Variants in CNNM2 observed in about 807,000 individuals in gnomAD.
CNNM2 encodes metal transporter CNNM2.
CNNM2 carries 12 observed loss-of-function variants against 66.9 expected under a neutral mutation model. That is an observed-to-expected ratio of 0.18 (90% CI 0.11 to 0.29). The LOEUF is 0.29. CNNM2 is among the 10% of genes least tolerant of loss of function. The probability of loss-of-function intolerance (pLI) is 1.00; values close to 1 mark genes in which losing one functional copy is unlikely to be tolerated. For synonymous variants in CNNM2, 557 were observed against 501.8 expected (o/e 1.11, Z -1.47); for missense variants, 705 against 1,167.7 (o/e 0.60, Z 5.77).
At chr10:102,990,973 T>G (rs2063888082) in intron 1 of CNNM2, among the ~76,000 whole-genome samples, 1 of 152,178 alleles carries the variant, frequency 6.6e-6, no homozygotes, top group African/African-American at 2.4e-5. Context: ...TCTTACATTT[T>G]CCATTGTGGC....
At chr10:103,028,972 G>A (rs1168342462) in intron 1 of CNNM2, among the ~76,000 whole-genome samples, 2 of 137,248 alleles carry the variant, frequency 1.5e-5, no homozygotes, top group African/African-American at 2.7e-5. Context: ...ATAGGCGTGT[G>A]CCACCATGCC....
chr10:102,947,445 A>G (rs1846656054), intron 1 of CNNM2, among the ~76,000 whole-genome samples: 1 of 125,566 alleles, frequency 8.0e-6, no homozygotes, highest in African/African-American at 2.8e-5. Context: ...TAAAGTGAAG[A>G]AAAATGAAGA....
chr10:103,064,722 G>A (rs959812041), intron 4 of CNNM2, among the ~76,000 whole-genome samples: 5 of 152,062 alleles, frequency 3.3e-5, no homozygotes, highest in Non-Finnish European at 7.4e-5. Flanking sequence ...CACCTGTAGT[G>A]CCAGCTACTC....
At chr10:102,946,368 A>G (rs1846618061) in intron 1 of CNNM2, among the ~76,000 whole-genome samples, 1 of 152,080 alleles carries the variant, frequency 6.6e-6, no homozygotes, top group Non-Finnish European at 1.5e-5. Context: ...CCCTACATTT[A>G]ATGTACATAT....
At chr10:102,923,056 G>A (rs1845713799) in intron 1 of CNNM2, among the ~76,000 whole-genome samples, 1 of 152,058 alleles carries the variant, frequency 6.6e-6, no homozygotes, top group Admixed American at 6.5e-5. Flanking sequence ...TAAAGAGGAG[G>A]AAATAGAATG....
At chr10:102,970,069 C>T (rs1410514550) in intron 1 of CNNM2, among the ~76,000 whole-genome samples, 1 of 152,192 alleles carries the variant, frequency 6.6e-6, no homozygotes, top group Non-Finnish European at 1.5e-5. Flanking sequence ...GTAAAATTAT[C>T]CTCTGATATA....
At chr10:102,958,885 A>C (rs750057856) in intron 1 of CNNM2, among the ~76,000 whole-genome samples, 6 of 152,116 alleles carry the variant, frequency 3.9e-5, no homozygotes, top group Admixed American at 6.6e-5. Flanking sequence ...GGGTGCTTTC[A>C]GATTGTGAGG....
chr10:102,919,130 G>T lies in CNNM2; in HGVS notation c.650G>T (p.Gly217Val), dbSNP rs1274346805. The T allele has an allele frequency of 2.5e-6, 4 of 1,610,566 alleles. No homozygotes were observed. Among genetic ancestry groups the T allele is most frequent in the Non-Finnish European group, 3.4e-6 (4 of 1,179,468 alleles). Residue 217 changes from glycine to valine, a missense_variant, in exon 1 of 8, where the codon GGC (glycine) becomes GTC (valine). Around this residue, in one of 9 missense-constraint regions of CNNM2, gnomAD observed 100 missense variants for 151.9 expected, o/e 0.66. Coordinates refer to ENST00000369878, the MANE Select transcript of CNNM2 (RefSeq NM_017649.5). Reference protein sequence around the residue: ...STGGAVGGKGGSGVAGLPPPP... With the variant: ...STGGAVGGKGVSGVAGLPPPP... ...GGTGGCGCCGTCGGGGGCAAGGGTGGCTCGGGGGTGGCCGGGCTCCCGCCG... is the reference window on the plus strand; with the variant it reads ...GGTGGCGCCGTCGGGGGCAAGGGTGTCTCGGGGGTGGCCGGGCTCCCGCCG...
chr10:103,022,056 C>T (rs967850301), intron 1 of CNNM2, among the ~76,000 whole-genome samples: 1 of 152,118 alleles, frequency 6.6e-6, no homozygotes, highest in Non-Finnish European at 1.5e-5. Flanking sequence ...TGAGTGAAAG[C>T]GTCATAGGAA....
intron 1 of CNNM2, among the ~76,000 whole-genome samples, chr10:102,973,561 C>T (rs1257086747): frequency 4.0e-5 from 6 of 150,742 alleles, no homozygotes; most frequent in Non-Finnish European, 8.8e-5. Flanking sequence ...CTATGTTGTG[C>T]CCCCAGGCTG....
At chr10:102,945,129 C>G (rs1161335416) in intron 1 of CNNM2, among the ~76,000 whole-genome samples, 1 of 152,136 alleles carries the variant, frequency 6.6e-6, no homozygotes, top group Non-Finnish European at 1.5e-5. Context: ...TCACTCCTCC[C>G]TTTAAAAAGT....
intron 1 of CNNM2, among the ~76,000 whole-genome samples, chr10:102,920,345 G>T (rs867556290): frequency 6.6e-6 from 1 of 152,078 alleles, no homozygotes; most frequent in South Asian, 2.1e-4. Flanking sequence ...CAAAAAGCAG[G>T]CTGTGTAATT....
At position 102,953,662 on chromosome 10, in the gene CNNM2, C is replaced by T. The variant is rs142817578; in HGVS notation, c.1621+33561C>T. 2.4e-3 allele frequency among the ~76,000 whole-genome samples: 372 copies of T among 152,184 alleles called. 2 individuals carry two copies. Among genetic ancestry groups the T allele is most frequent in the African/African-American group, 8.4e-3 (350 of 41,526 alleles). ...ACAGTGTCCACCTTCAGGGCTCAAG[C>T]GATCCTCCCACCTCAGCCTGCTGAG... On this transcript the variant is annotated intron_variant, in intron 1 of 7. Transcript: ENST00000369878.
intron 2 of CNNM2, among the ~76,000 whole-genome samples, chr10:103,051,604 G>C (rs1250139395): frequency 6.6e-6 from 1 of 151,986 alleles, no homozygotes; most frequent in Admixed American, 6.6e-5. Context: ...GCTGGGCATG[G>C]TGGCACGCAC....
intron 1 of CNNM2, among the ~76,000 whole-genome samples, chr10:103,015,517 G>A (rs147468506): frequency 6.6e-6 from 1 of 152,136 alleles, no homozygotes; most frequent in Non-Finnish European, 1.5e-5. Context: ...ATTCCATACC[G>A]AGGACCATCT....
chr10:103,069,256 A>G (rs563478739), intron 5 of CNNM2, among the ~76,000 whole-genome samples: 1 of 152,224 alleles, frequency 6.6e-6, no homozygotes, highest in East Asian at 1.9e-4. Flanking sequence ...GTCTGGGGCT[A>G]CTGTCAATAT....
At chr10:102,928,966 A>T (rs1845971622) in intron 1 of CNNM2, among the ~76,000 whole-genome samples, 1 of 152,180 alleles carries the variant, frequency 6.6e-6, no homozygotes, top group African/African-American at 2.4e-5. Flanking sequence ...GAAATCTAAA[A>T]GTGGCTAGGC....
intron 1 of CNNM2, among the ~76,000 whole-genome samples, chr10:103,034,100 T>A (rs1311454371): frequency 2.6e-5 from 4 of 152,130 alleles, no homozygotes; most frequent in African/African-American, 9.7e-5. Flanking sequence ...TGATTAATTT[T>A]CCTTCTAATA....
At position 102,918,586 on chromosome 10, in the gene CNNM2, C is replaced by G. The variant is rs532564685; in HGVS notation, c.106C>G (p.Arg36Gly). Residue 36 changes from arginine to glycine, a missense_variant, in exon 1 of 8, where the codon CGC (arginine) becomes GGC (glycine). By Grantham distance (125) the Arg-to-Gly change is moderately radical (BLOSUM62 -2). Around this residue, in one of 9 missense-constraint regions of CNNM2, gnomAD observed 98 missense variants for 73.6 expected, o/e 1.33. Transcript: ENST00000369878. This position sits in a 1 kb window ranked among gnomAD's most constrained non-coding sequence, Gnocchi z 4.1. ...GGCGGCGCGCCGCAGCCTCAGCGCT[C>G]GCGGCCGGGGGATCCTGCAGGCGGC... The part of the protein sequence containing the change: ...KMAARRSLSA[R>G]GRGILQAAAG... The G allele has an allele frequency of 1.4e-5, 22 of 1,571,168 alleles. No individual in the cohort carries two copies. The South Asian group carries it at 2.1e-4, about 15-fold the overall frequency.
Sources: allele counts gnomAD v4.1 joint callset (sites outside exome capture counted in the v4.1 genomes callset), GRCh38; gene constraint gnomAD v4.1.1; regional missense constraint gnomAD v4.1.1; non-coding constraint Gnocchi (gnomAD v3.1); transcripts MANE v1.5; gene names NCBI Gene and HGNC (gene_info 2026-07-23, HGNC 2026-07-21).